The following SGIP1 variants were observed in gnomAD, a reference collection of about 807,000 sequenced individuals.
The protein encoded by SGIP1 is SH3GL interacting endocytic adaptor 1, also known as SH3-containing GRB2-like protein 3-interacting protein 1.
SGIP1 carries 38 observed loss-of-function variants against 107.5 expected under a neutral mutation model. The ratio of observed to expected loss-of-function variants is 0.35; its 90% CI spans 0.27 to 0.46. The LOEUF (loss-of-function observed/expected upper bound fraction) is 0.46. Ranked by LOEUF, SGIP1 falls within the 20% of genes least tolerant of loss-of-function variation. The pLI, the probability that SGIP1 is intolerant of heterozygous loss-of-function variation, is 1.00. For synonymous variants in SGIP1, 365 were observed against 366.1 expected (o/e 1.00, Z 0.03); for missense variants, 929 against 1,019.5 (o/e 0.91, Z 1.21).
At chr1:66,662,536 G>A (rs764123137) in intron 8 of SGIP1, among the ~76,000 whole-genome samples, 3 of 152,204 alleles carry the variant, frequency 2.0e-5, no homozygotes, top group South Asian at 2.1e-4. Context: ...CCGTGTCATA[G>A]AAGAACAGTG....
intron 1 of SGIP1, among the ~76,000 whole-genome samples, chr1:66,593,971 T>G (rs1031413304): frequency 6.6e-6 from 1 of 152,224 alleles, no homozygotes; most frequent in Non-Finnish European, 1.5e-5. Context: ...TAGCATTGAA[T>G]GTTTCTTAAT....
intron 22 of SGIP1, among the ~76,000 whole-genome samples, chr1:66,740,162 A>T (rs2094401133): frequency 6.6e-6 from 1 of 152,212 alleles, no homozygotes; most frequent in African/African-American, 2.4e-5. Context: ...TCTGAACTAT[A>T]AAAAGGCACA....
At chr1:66,682,405 G>T in intron 15 of SGIP1, 36 bp downstream of exon 15, 1 of 1,574,358 alleles carries the variant, frequency 6.4e-7, no homozygotes, top group Non-Finnish European at 8.6e-7. Flanking sequence ...CTTGTGACGG[G>T]GAATGGCCAT....
intron 8 of SGIP1, among the ~76,000 whole-genome samples, chr1:66,661,660 T>C (rs2081505005): frequency 6.6e-6 from 1 of 152,228 alleles, no homozygotes; most frequent in South Asian, 2.1e-4. Context: ...ATATTACTGG[T>C]GCTCTTTAAC....
At chr1:66,676,964 T>G in intron 12 of SGIP1, 40 bp from the exon 13 acceptor site, 1 of 1,538,554 alleles carries the variant, frequency 6.5e-7, no homozygotes, top group South Asian at 1.2e-5. Flanking sequence ...ATGGGGATTT[T>G]TTTTAACTCA....
At chr1:66,700,439 C>G (rs1001029384) in intron 18 of SGIP1, among the ~76,000 whole-genome samples, 1 of 151,664 alleles carries the variant, frequency 6.6e-6, no homozygotes, top group Non-Finnish European at 1.5e-5. Context: ...CACTACCTCA[C>G]CCTACTGTAC....
chr1:66,622,469 T>C (rs2071398705), intron 1 of SGIP1, among the ~76,000 whole-genome samples: 1 of 152,232 alleles, frequency 6.6e-6, no homozygotes, highest in Non-Finnish European at 1.5e-5. Context: ...TTATCTTATC[T>C]GGTAAGACAT....
At chr1:66,533,905 C>T (rs933804399), upstream of SGIP1, among the ~76,000 whole-genome samples, 3 of 150,640 alleles carry the variant, frequency 2.0e-5, no homozygotes, top group East Asian at 3.9e-4. Context: ...CTTAAGGAGA[C>T]GACGAGGAGG....
intron 20 of SGIP1, among the ~76,000 whole-genome samples, chr1:66,730,840 T>A (rs1408444167): frequency 6.6e-6 from 1 of 152,156 alleles, no homozygotes; most frequent in Non-Finnish European, 1.5e-5. Context: ...GGCTTTGTAG[T>A]ACTTGTTTCC....
intron 24 of SGIP1, among the ~76,000 whole-genome samples, chr1:66,741,830 C>T (rs188747183): frequency 1.9e-3 from 290 of 151,732 alleles, no homozygotes; most frequent in African/African-American, 3.1e-3. Context: ...TGCAGTGGCG[C>T]GATCTCTACT....
chr1:66,558,729 T>G (rs1204527341), intron 1 of SGIP1, among the ~76,000 whole-genome samples: 1 of 151,816 alleles, frequency 6.6e-6, no homozygotes, highest in Non-Finnish European at 1.5e-5. Flanking sequence ...CTTCAGTTTG[T>G]TTTTTCTCAC....
intron 8 of SGIP1, among the ~76,000 whole-genome samples, chr1:66,663,092 A>G (rs1045954348): frequency 1.3e-5 from 2 of 152,268 alleles, no homozygotes; most frequent in South Asian, 4.2e-4. Context: ...CTGGATGCTC[A>G]TCATCTCTCT....
chr1:66,729,266 G>C lies in SGIP1; in HGVS notation c.1745G>C (p.Cys582Ser), dbSNP rs1439117656. Residue 582 changes from cysteine to serine, a missense_variant and splice_region_variant, in exon 20 of 25, where the codon TGT becomes TCT. Physicochemically the swap from Cys to Ser is moderately radical, Grantham distance 112. Around this residue, in one of 2 missense-constraint regions of SGIP1, gnomAD observed 341 missense variants for 430.9 expected, o/e 0.79. Transcript: ENST00000371037. Reference sequence around the variant, plus strand: ...CTCTCTGTGTTTTGATATGCCAGATGTATCGTTAAGATTACCGGAGAAATG... The same window carrying C: ...CTCTCTGTGTTTTGATATGCCAGATCTATCGTTAAGATTACCGGAGAAATG... Reference protein sequence around the residue: ...AYFKGADPSKCIVKITGEMVL... With the variant: ...AYFKGADPSKSIVKITGEMVL... The C allele has an allele frequency of 6.2e-7, 1 of 1,613,866 alleles. No individual in the cohort carries two copies. The highest frequency in any genetic ancestry group is 2.2e-5 in the East Asian group (1 of 44,894).
At chr1:66,632,424 GA>G (rs1361348292) in intron 2 of SGIP1, among the ~76,000 whole-genome samples, 3 of 152,116 alleles carry the variant, frequency 2.0e-5, no homozygotes, top group South Asian at 2.1e-4. Context: ...AAATAAAGTT[GA>G]AAAATACCAC....
At chr1:66,605,944 G>T (rs1474425868) in intron 1 of SGIP1, among the ~76,000 whole-genome samples, 1 of 152,052 alleles carries the variant, frequency 6.6e-6, no homozygotes, top group Non-Finnish European at 1.5e-5. Context: ...CCTCGATGTT[G>T]GAATTCACCT....
rs546528042 is a variant in SGIP1 at position 66,548,142 on chromosome 1, A to G, written c.10+13774A>G. ...ACCGGAGAGGGTGAAGGAGAAGGTC[A>G]TGCTTTTGCTTGCATCTTTAGACAA... On this transcript the variant is annotated intron_variant, in intron 1 of 24. Transcript: ENST00000371037. Among the ~76,000 whole-genome samples, 10 of 152,268 alleles carry G rather than the reference A, an allele frequency of 6.6e-5. No individual in the cohort carries two copies. In the East Asian group the frequency reaches 1.9e-3, roughly 29 times the overall value.
chr1:66,642,540 C>T (rs1465002586), intron 5 of SGIP1, among the ~76,000 whole-genome samples: 1 of 152,152 alleles, frequency 6.6e-6, no homozygotes, highest in African/African-American at 2.4e-5. Flanking sequence ...CAGTCCTTGG[C>T]TTACAGGAAA....
At chr1:66,614,476 G>A (rs9787219) in intron 1 of SGIP1, among the ~76,000 whole-genome samples, 5 of 151,994 alleles carry the variant, frequency 3.3e-5, no homozygotes, top group African/African-American at 7.3e-5. Context: ...TACATGCATC[G>A]TGGTAGCCTT....
At chr1:66,632,281 C>T (rs915443547) in intron 2 of SGIP1, among the ~76,000 whole-genome samples, 1 of 152,176 alleles carries the variant, frequency 6.6e-6, no homozygotes, top group Admixed American at 6.5e-5. Flanking sequence ...AGCATAGTGC[C>T]ACCATAGAAT....
Sources: allele counts gnomAD v4.1 joint callset (sites outside exome capture counted in the v4.1 genomes callset), GRCh38; gene constraint gnomAD v4.1.1; regional missense constraint gnomAD v4.1.1; transcripts MANE v1.5; gene names NCBI Gene and HGNC (gene_info 2026-07-23, HGNC 2026-07-21).